ARHGAP39: variants seen among roughly 807,000 people sequenced by gnomAD.
The protein encoded by ARHGAP39 is rho GTPase-activating protein 39.
A neutral mutation model predicts 106.9 loss-of-function variants in ARHGAP39; 44 were observed. The ratio of observed to expected loss-of-function variants is 0.41; its 90% CI spans 0.32 to 0.53. ARHGAP39 has a LOEUF of 0.53. Ranked by LOEUF, ARHGAP39 falls within the 20% of genes least tolerant of loss-of-function variation. The pLI is 0.21. For missense variants in ARHGAP39, 1,496 were observed against 1,577.3 expected, an observed-to-expected ratio of 0.95 and a Z score of 0.87; for synonymous variants, 768 against 693.2, an observed-to-expected ratio of 1.11 and a Z score of -1.69.
chr8:144,600,842 CGTGTACCTGTGT>C (rs1030898053), intron 2 of ARHGAP39, among the ~76,000 whole-genome samples: 5 of 146,676 alleles, frequency 3.4e-5, no homozygotes, highest in African/African-American at 1.0e-4. Context: ...TGTGTGTGCT[CGTGTACCTGTGT>C]GTGTGCATGG....
intron 3 of ARHGAP39, among the ~76,000 whole-genome samples, chr8:144,577,376 T>C (rs763123522): frequency 3.9e-5 from 6 of 152,062 alleles, no homozygotes; most frequent in Non-Finnish European, 5.9e-5. Flanking sequence ...AGAAAAGGCA[T>C]TGACAAAATC....
At chr8:144,686,005 C>T (rs1047633334), upstream of ARHGAP39, among the ~76,000 whole-genome samples, 3 of 151,550 alleles carry the variant, frequency 2.0e-5, no homozygotes, top group African/African-American at 7.3e-5. Context: ...GCGGAGGGCG[C>T]GCGCGGCATG....
chr8:144,564,591 T>C (rs1339360023), intron 3 of ARHGAP39, among the ~76,000 whole-genome samples: 1 of 152,042 alleles, frequency 6.6e-6, no homozygotes, highest in Non-Finnish European at 1.5e-5. Context: ...TTCAAAAAGC[T>C]AGAGAAATGA....
At chr8:144,631,192 G>A (rs1355769707) in intron 1 of ARHGAP39, among the ~76,000 whole-genome samples, 1 of 152,242 alleles carries the variant, frequency 6.6e-6, no homozygotes, top group African/African-American at 2.4e-5. Context: ...CCACCCCCAT[G>A]ATCCAAACAC....
At chr8:144,687,000 C>T (rs548369940), upstream of ARHGAP39, among the ~76,000 whole-genome samples, 47 of 68,758 alleles carry the variant, frequency 6.8e-4, no homozygotes, top group Admixed American at 1.3e-3. Context: ...ACACTGGCGG[C>T]GACCATTTCC....
rs1378766845 is a variant in ARHGAP39, at chr8:144,585,708, G to C, written c.81-4431C>G. 6.6e-6 allele frequency among the ~76,000 whole-genome samples: 1 copy of C among 152,216 alleles called. No homozygotes were observed. Among genetic ancestry groups the C allele is most frequent in the Non-Finnish European group, 1.5e-5 (1 of 68,034 alleles). On this transcript the variant is annotated intron_variant, in intron 2 of 11. Coordinates refer to ENST00000377307, the MANE Select transcript of ARHGAP39 (RefSeq NM_025251.3). This position sits in a 1 kb window ranked among gnomAD's most constrained non-coding sequence, Gnocchi z 4.6. ...CATGGTGCCACGCGCTGCAGCCTGG[G>C]CCTCCCGAGGATGTCGCTGGTTGTG...
intron 1 of ARHGAP39, among the ~76,000 whole-genome samples, chr8:144,621,789 C>T (rs549727178): frequency 6.6e-6 from 1 of 152,308 alleles, no homozygotes. Flanking sequence ...CTGCACTCTG[C>T]AGCCTGGGCG....
chr8:144,651,737 T>C (rs1821579765), intron 1 of ARHGAP39, among the ~76,000 whole-genome samples: 1 of 152,002 alleles, frequency 6.6e-6, no homozygotes, highest in Non-Finnish European at 1.5e-5. Flanking sequence ...CATACATTCA[T>C]ATGGGACCAC....
intron 6 of ARHGAP39, 101 bp from the exon 7 acceptor site, chr8:144,537,914 TTGGGGGCTCACCCTGTGCAGC>T (rs1446682910): frequency 5.9e-6 from 6 of 1,014,748 alleles, no homozygotes; most frequent in Non-Finnish European, 9.1e-6. Flanking sequence ...CCTGGGCCTG[TTGGGGGCTCACCCTGTGCAGC>T]TGGGGGCTGA....
In ARHGAP39 at chr8:144,684,195, C is replaced by T. The variant is rs910014699; in HGVS notation, c.-82+1491G>A. ...AGTGCAGGGAGCGAGGCGCCACCCC[C>T]ATTCATTCACTCCAAGCATTTATGG... On this transcript the variant is annotated intron_variant, in intron 1 of 11. Coordinates refer to ENST00000377307, the MANE Select transcript of ARHGAP39 (RefSeq NM_025251.3). The surrounding 1 kb of genome is among the most constrained non-coding windows in gnomAD (Gnocchi z 4.4). Among the ~76,000 whole-genome samples, 1 of 152,232 alleles carries T rather than the reference C, an allele frequency of 6.6e-6. No homozygotes were observed. The highest frequency in any genetic ancestry group is 2.4e-5 in the African/African-American group (1 of 41,468).
chr8:144,606,623 AGGAGGAGGTGACGGT>A (rs1310974991), intron 1 of ARHGAP39, among the ~76,000 whole-genome samples: 4 of 152,024 alleles, frequency 2.6e-5, no homozygotes, highest in African/African-American at 4.8e-5. Flanking sequence ...GAGGAGGAGG[AGGAGGAGGTGACGGT>A]GGAGGAGGTG....
chr8:144,684,376 G>A lies in ARHGAP39; in HGVS notation c.-82+1310C>T, dbSNP rs906431017. Among the ~76,000 whole-genome samples, 4 of 152,204 alleles carry A rather than the reference G, an allele frequency of 2.6e-5. No homozygotes were observed. Among genetic ancestry groups the A allele is most frequent in the African/African-American group, 9.7e-5 (4 of 41,448 alleles). ...GACGGAACCACCTGCTGTCTATAGA[G>A]GGCACCTAGGACGCAGCGTCCAATT... On this transcript the variant is annotated intron_variant, in intron 1 of 11. Coordinates refer to ENST00000377307, the MANE Select transcript of ARHGAP39 (RefSeq NM_025251.3). This position sits in a 1 kb window ranked among gnomAD's most constrained non-coding sequence, Gnocchi z 4.4.
At chr8:144,533,100 C>G in intron 9 of ARHGAP39, 26 bp downstream of exon 9, 1 of 1,589,574 alleles carries the variant, frequency 6.3e-7, no homozygotes, top group South Asian at 1.1e-5. Flanking sequence ...GGCCCCCACA[C>G]CCGGCGCCCG....
Position 144,567,432 on chromosome 8 carries a change from T to A in ARHGAP39, c.513-11789A>T, listed in dbSNP as rs113157116. ...ACCCGTTGCCAAGCGGACCGTGGTC[T>A]AGCAGTAGCGTCAGTATCAAGGGAA... On this transcript the variant is annotated intron_variant, in intron 3 of 11. Transcript: ENST00000377307. 8.5e-4 allele frequency among the ~76,000 whole-genome samples: 130 copies of A among 152,246 alleles called. 1 individual carries two copies. Among genetic ancestry groups the A allele is most frequent in the African/African-American group, 3.1e-3 (129 of 41,510 alleles).
At chr8:144,678,012 G>A (rs1371296464) in intron 1 of ARHGAP39, among the ~76,000 whole-genome samples, 1 of 152,188 alleles carries the variant, frequency 6.6e-6, no homozygotes, top group Non-Finnish European at 1.5e-5. Context: ...TCCCCCTGCT[G>A]CGCCAGCCAT....
At chr8:144,664,479 G>A (rs1821909527) in intron 1 of ARHGAP39, among the ~76,000 whole-genome samples, 1 of 152,228 alleles carries the variant, frequency 6.6e-6, no homozygotes, top group Non-Finnish European at 1.5e-5. Context: ...TAGCCCCAGA[G>A]ACAGGCCATC....
intron 3 of ARHGAP39, among the ~76,000 whole-genome samples, chr8:144,569,634 C>T (rs1185238082): frequency 6.6e-6 from 1 of 152,100 alleles, no homozygotes; most frequent in Non-Finnish European, 1.5e-5. Flanking sequence ...GGGGATTGTG[C>T]AGAGACAGGT....
Position 144,646,959 on chromosome 8 carries a change from C to T in ARHGAP39, c.-82+38727G>A, listed in dbSNP as rs1821458056. ...CACAGCTGGAGGCATCTGCTCTGCT[C>T]TGACCATTTTTTTTTTTTTTTTTTT... On this transcript the variant is annotated intron_variant, in intron 1 of 11. Coordinates refer to ENST00000377307, the MANE Select transcript of ARHGAP39 (RefSeq NM_025251.3). The surrounding 1 kb of genome is among the most constrained non-coding windows in gnomAD (Gnocchi z 5.7). Among the ~76,000 whole-genome samples, 1 of 149,772 alleles carries T rather than the reference C, an allele frequency of 6.7e-6. No individual in the cohort carries two copies. The highest frequency in any genetic ancestry group is 1.5e-5 in the Non-Finnish European group (1 of 67,672).
chr8:144,568,582 G>A (rs1469821776), intron 3 of ARHGAP39, among the ~76,000 whole-genome samples: 1 of 152,090 alleles, frequency 6.6e-6, no homozygotes. Context: ...ATAACTGACT[G>A]TTTAAAGTAC....
Sources: gnomAD v4.1 joint callset for allele counts (sites outside exome capture counted in the v4.1 genomes callset) on GRCh38, gnomAD v4.1.1 for gene constraint, Gnocchi (gnomAD v3.1) non-coding constraint, MANE v1.5 for transcripts, NCBI Gene and HGNC (gene_info 2026-07-23, HGNC 2026-07-21) for gene names.